The following RBFOX1 variants were observed in gnomAD, a reference collection of about 807,000 sequenced individuals.
RBFOX1 encodes RNA binding fox-1 homolog 1, also known as RNA binding protein fox-1 homolog 1.
In RBFOX1, 8 loss-of-function variants were observed where a neutral mutation model predicts 57.7. That is an observed-to-expected ratio of 0.14 (90% CI 0.08 to 0.25). The LOEUF (loss-of-function observed/expected upper bound fraction) is 0.25, where lower values mean the gene tolerates loss of function less well. Ranked by LOEUF, RBFOX1 falls within the 10% of genes least tolerant of loss-of-function variation. The probability of loss-of-function intolerance (pLI) is 1.00; values close to 1 mark genes in which losing one functional copy is unlikely to be tolerated. For synonymous variants in RBFOX1, 326 were observed against 222.4 expected (o/e 1.47, Z -4.15); for missense variants, 611 against 548.5 (o/e 1.11, Z -1.14).
At chr16:7,280,046 T>C (rs142990467) in intron 4 of RBFOX1, among the ~76,000 whole-genome samples, 1 of 152,332 alleles carries the variant, frequency 6.6e-6, no homozygotes, top group Non-Finnish European at 1.5e-5. Flanking sequence ...TGGTTCCCGC[T>C]GCGATTGGAT....
intron 1 of RBFOX1, among the ~76,000 whole-genome samples, chr16:5,346,608 C>A (rs1020692357): frequency 6.6e-6 from 1 of 152,196 alleles, no homozygotes; most frequent in Non-Finnish European, 1.5e-5. Flanking sequence ...CCTGTATGCA[C>A]GTCTTGTCTT....
chr16:7,570,574 T>C lies in RBFOX1; in HGVS notation c.271-9203T>C, dbSNP rs76136699. On this transcript the variant is annotated intron_variant, in intron 5 of 15. Coordinates refer to ENST00000550418, the MANE Select transcript of RBFOX1 (RefSeq NM_018723.4). ...GCAGCTAGGCTCAGAAGGATGTACA[T>C]AGCTGGACTAGTGATGAAACTAGAG... Among the ~76,000 whole-genome samples the C allele has an allele frequency of 2.0e-5, 3 of 152,278 alleles. No individual in the cohort carries two copies. The East Asian group carries it at 5.8e-4, about 29-fold the overall frequency.
intron 4 of RBFOX1, among the ~76,000 whole-genome samples, chr16:7,112,219 A>C (rs1475254570): frequency 6.6e-6 from 1 of 151,884 alleles, no homozygotes; most frequent in Non-Finnish European, 1.5e-5. Context: ...AAACCAATTC[A>C]TTTTTTTGAG....
At chr16:5,825,311 G>T (rs1020100888) in intron 3 of RBFOX1, among the ~76,000 whole-genome samples, 6 of 152,230 alleles carry the variant, frequency 3.9e-5, no homozygotes, top group Non-Finnish European at 8.8e-5. Flanking sequence ...CCCAGGCTGT[G>T]AGCAGGGTAC....
At chr16:6,919,474 C>G (rs906496535) in intron 3 of RBFOX1, among the ~76,000 whole-genome samples, 13 of 151,886 alleles carry the variant, frequency 8.6e-5, no homozygotes, top group African/African-American at 2.9e-4. Flanking sequence ...GTAAACTTCT[C>G]AGCATCACAC....
intron 1 of RBFOX1, among the ~76,000 whole-genome samples, chr16:6,103,806 C>A (rs567272599): frequency 3.4e-4 from 52 of 152,206 alleles, no homozygotes; most frequent in African/African-American, 1.2e-3. Flanking sequence ...GAAAGAGTCT[C>A]CCTGGGGCCC....
chr16:5,900,459 A>G (rs2058279659), intron 4 of RBFOX1, among the ~76,000 whole-genome samples: 1 of 152,238 alleles, frequency 6.6e-6, no homozygotes, highest in Non-Finnish European at 1.5e-5. Flanking sequence ...GATTTATTTC[A>G]GTAGACATGA....
At chr16:5,952,239 C>G (rs980126208) in intron 4 of RBFOX1, among the ~76,000 whole-genome samples, 3 of 151,860 alleles carry the variant, frequency 2.0e-5, no homozygotes, top group African/African-American at 7.3e-5. Flanking sequence ...CAACCTCCAC[C>G]TCCCGGGTTC....
intron 2 of RBFOX1, among the ~76,000 whole-genome samples, chr16:6,431,349 G>T (rs56046013): frequency 1.3e-5 from 2 of 151,878 alleles, no homozygotes; most frequent in African/African-American, 4.8e-5. Flanking sequence ...TGGCAACAGA[G>T]GAAATATGGA....
intron 3 of RBFOX1, among the ~76,000 whole-genome samples, chr16:6,830,185 G>T (rs187588528): frequency 3.3e-5 from 5 of 152,254 alleles, no homozygotes; most frequent in Admixed American, 2.6e-4. Context: ...CCAAAGTGCT[G>T]GGATTACAGG....
intron 14 of RBFOX1, among the ~76,000 whole-genome samples, chr16:7,688,024 A>T (rs1351404373): frequency 1.3e-5 from 2 of 152,054 alleles, no homozygotes; most frequent in Non-Finnish European, 2.9e-5. Flanking sequence ...CTGAATATTT[A>T]TTAAAAAACA....
chr16:5,853,450 T>C (rs115371636), intron 3 of RBFOX1, among the ~76,000 whole-genome samples: 219 of 152,274 alleles, frequency 1.4e-3, no homozygotes, highest in African/African-American at 5.1e-3. Context: ...CCAGGTCTGG[T>C]CTCAGCCTGA....
chr16:6,385,130 C>T (rs995070402), intron 2 of RBFOX1, among the ~76,000 whole-genome samples: 1 of 152,184 alleles, frequency 6.6e-6, no homozygotes, highest in Non-Finnish European at 1.5e-5. Context: ...CCATGTTCAG[C>T]CTCAGCATGG....
At chr16:5,434,368 C>G (rs544463945) in intron 1 of RBFOX1, among the ~76,000 whole-genome samples, 2 of 116,850 alleles carry the variant, frequency 1.7e-5, no homozygotes, top group East Asian at 3.0e-4. Context: ...GTTACCCAGG[C>G]TGGAGTGCAG....
At chr16:6,588,153 C>T (rs907456255) in intron 2 of RBFOX1, among the ~76,000 whole-genome samples, 1 of 151,824 alleles carries the variant, frequency 6.6e-6, no homozygotes, top group African/African-American at 2.4e-5. Flanking sequence ...ATTGCTTGAA[C>T]CTGGGAGGCA....
At chr16:6,391,375 C>G (rs1158758675) in intron 2 of RBFOX1, among the ~76,000 whole-genome samples, 1 of 151,816 alleles carries the variant, frequency 6.6e-6, no homozygotes, top group Non-Finnish European at 1.5e-5. Context: ...CCAGGCATGG[C>G]GGCGGGCACC....
At chr16:7,252,307 ATATAACT>A (rs2094525260) in intron 4 of RBFOX1, among the ~76,000 whole-genome samples, 1 of 152,212 alleles carries the variant, frequency 6.6e-6, no homozygotes. Flanking sequence ...GTAAGTGGAA[ATATAACT>A]TATAAGGAAA....
intron 3 of RBFOX1, among the ~76,000 whole-genome samples, chr16:6,992,210 C>T (rs1312266330): frequency 6.6e-6 from 1 of 150,664 alleles, no homozygotes; most frequent in South Asian, 2.1e-4. Flanking sequence ...GTTGCACAGG[C>T]TGGAGTGCAG....
chr16:7,027,743 T>C (rs903019138), intron 3 of RBFOX1, among the ~76,000 whole-genome samples: 40 of 152,026 alleles, frequency 2.6e-4, no homozygotes, highest in Admixed American at 2.4e-3. Flanking sequence ...TAGACTTCTT[T>C]CCTTTTATAT....
Sources: allele counts gnomAD v4.1 joint callset (sites outside exome capture counted in the v4.1 genomes callset), GRCh38; gene constraint gnomAD v4.1.1; transcripts MANE v1.5; gene names NCBI Gene and HGNC (gene_info 2026-07-23, HGNC 2026-07-21).